The following CCDC191 variants were observed in gnomAD, a reference collection of about 807,000 sequenced individuals.
CCDC191 encodes the protein coiled-coil domain-containing protein 191.
A neutral mutation model predicts 114.0 loss-of-function variants in CCDC191; 99 were observed. The observed-to-expected ratio is 0.87, with a 90% CI of 0.74 to 1.03. CCDC191 has a LOEUF of 1.03. CCDC191 is among the 50% of genes least tolerant of loss of function. CCDC191 has a pLI of 0.00. For synonymous variants in CCDC191, 351 were observed against 376.0 expected (o/e 0.93, Z 0.77); for missense variants, 973 against 1,087.0 (o/e 0.90, Z 1.47).
Position 113,965,370 on chromosome 3 carries a change from AAAG to A in CCDC191, c.2607-14_2607-12del. On this transcript the variant is annotated splice_polypyrimidine_tract_variant and intron_variant, in intron 16 of 16. Transcript: ENST00000295878. Reference sequence around the variant, plus strand: ...ATCCAGAGGATCCTCCTTTAAGAATAAAGAAGGAAAAAAGTGAAATGTTGAGAA... The same window carrying A: ...ATCCAGAGGATCCTCCTTTAAGAATAAAGGAAAAAAGTGAAATGTTGAGAA... 6.6e-7 allele frequency: 1 copy of A among 1,526,382 alleles called. No homozygotes were observed. The highest frequency in any genetic ancestry group is 8.8e-7 in the Non-Finnish European group (1 of 1,133,462). The allele number at this position is 1,526,382 out of a possible 1,614,324, so 94.6% of individuals were successfully genotyped here.
In CCDC191 at chr3:113,978,961, G is replaced by A. The variant is rs762932133; in HGVS notation, c.2357C>T (p.Thr786Met). The A allele has an allele frequency of 4.7e-5, 76 of 1,613,862 alleles. No individual in the cohort carries two copies. In the South Asian group the frequency reaches 5.4e-4, roughly 11 times the overall value. The change falls in exon 15 of 17, where the codon ACG (threonine) becomes ATG (methionine). Residue 786 changes from threonine to methionine, a missense_variant. Coordinates refer to ENST00000295878, the MANE Select transcript of CCDC191 (RefSeq NM_020817.2). ...ACTTTCCTGACTACGCTGGAACCAC[G>A]TCAGCATGTATTTCCTCTGCAGGAA... Reference protein sequence around the residue: ...SLFLQRKYMLTWFQRSQESLA... With the variant: ...SLFLQRKYMLMWFQRSQESLA...
At chr3:113,985,243 A>T (rs2075310498) in intron 13 of CCDC191, among the ~76,000 whole-genome samples, 1 of 152,186 alleles carries the variant, frequency 6.6e-6, no homozygotes, top group African/African-American at 2.4e-5. Flanking sequence ...GCACAGCAGC[A>T]ACTGCAAAAT....
chr3:114,028,691 G>C (rs544259234), intron 7 of CCDC191, among the ~76,000 whole-genome samples: 1 of 151,702 alleles, frequency 6.6e-6, no homozygotes, highest in African/African-American at 2.4e-5. Context: ...ACAAGTGAGC[G>C]AGATGGAAAG....
chr3:114,051,948 C>A (rs1227250780), intron 2 of CCDC191, among the ~76,000 whole-genome samples: 1 of 152,092 alleles, frequency 6.6e-6, no homozygotes, highest in Non-Finnish European at 1.5e-5. Context: ...GTCAATGTAA[C>A]CTGAAAAAGT....
intron 12 of CCDC191, among the ~76,000 whole-genome samples, chr3:114,002,010 G>C (rs1360815289): frequency 6.6e-6 from 1 of 152,110 alleles, no homozygotes; most frequent in Non-Finnish European, 1.5e-5. Flanking sequence ...GTTAGAAACA[G>C]TTTAGGGGGA....
intron 13 of CCDC191, among the ~76,000 whole-genome samples, chr3:113,996,540 G>A (rs2075727066): frequency 1.3e-5 from 2 of 152,126 alleles, no homozygotes; most frequent in South Asian, 4.2e-4. Flanking sequence ...AGTCAAATAG[G>A]ATGATGCCTC....
chr3:113,977,082 T>C (rs1295137014), intron 16 of CCDC191, among the ~76,000 whole-genome samples: 1 of 151,900 alleles, frequency 6.6e-6, no homozygotes, highest in Non-Finnish European at 1.5e-5. Context: ...TGCACAAACA[T>C]GCAAATAAAA....
At chr3:113,977,359 C>T (rs1479078991) in intron 16 of CCDC191, among the ~76,000 whole-genome samples, 1 of 152,058 alleles carries the variant, frequency 6.6e-6, no homozygotes, top group African/African-American at 2.4e-5. Flanking sequence ...TGAATACACC[C>T]GGCACACTAA....
chr3:113,970,723 C>T (rs984590987), intron 16 of CCDC191, among the ~76,000 whole-genome samples: 5 of 152,094 alleles, frequency 3.3e-5, no homozygotes, highest in African/African-American at 1.2e-4. Context: ...CCCCGTCCCC[C>T]CACCCCACAG....
intron 8 of CCDC191, among the ~76,000 whole-genome samples, chr3:114,012,495 T>C (rs1327965891): frequency 6.6e-6 from 1 of 152,178 alleles, no homozygotes; most frequent in African/African-American, 2.4e-5. Flanking sequence ...TGAAAACAAA[T>C]ATCTGAGACT....
In CCDC191 at chr3:114,005,623, G is replaced by A. The variant is rs746689297; in HGVS notation, c.1753C>T (p.Gln585Ter). The change falls in exon 10 of 17, where the codon CAG becomes TAG. Residue 585 changes from glutamine (Q) to a stop codon, truncating the protein, a stop_gained. Coordinates refer to ENST00000295878, the MANE Select transcript of CCDC191 (RefSeq NM_020817.2). LOFTEE classifies it high-confidence loss of function. ...GCTGCCCACTGAGCCTCTGCCAGCT[G>A]CAGGTTTTTCTTCAGCTCGAGAATT... ...KTILELKKNL[Q>*]LAEAQWAAEH... The A allele has an allele frequency of 7.4e-6, 12 of 1,614,048 alleles. No homozygotes were observed. The African/African-American group carries it at 1.6e-4, about 22-fold the overall frequency.
At position 114,001,453 on chromosome 3, in the gene CCDC191, C is replaced by T. The variant is rs575569226; in HGVS notation, c.2163+142G>A. The T allele has an allele frequency of 2.7e-4, 329 of 1,241,084 alleles. 3 individuals carry two copies. In the South Asian group the frequency reaches 5.6e-3, roughly 21 times the overall value. 76.9% of individuals were successfully genotyped at this position (1,241,084 alleles called of 1,614,324 possible). A position where few individuals can be genotyped will look rare whatever the true frequency, so the allele number is the denominator to read the frequency against. On this transcript the variant is annotated intron_variant, in intron 13 of 16. Coordinates refer to ENST00000295878, the MANE Select transcript of CCDC191 (RefSeq NM_020817.2). Reference sequence around the variant, plus strand: ...AATCTGAAGAATGAGTAGCTTTTCACTAAGTAAGATAGAGAAAAGAAGTGA... The same window carrying T: ...AATCTGAAGAATGAGTAGCTTTTCATTAAGTAAGATAGAGAAAAGAAGTGA...
At chr3:114,053,850 A>G (rs993141750) in intron 1 of CCDC191, among the ~76,000 whole-genome samples, 2 of 152,136 alleles carry the variant, frequency 1.3e-5, no homozygotes, top group African/African-American at 4.8e-5. Flanking sequence ...GATTGTTTTT[A>G]TTTCTTGTCT....
At chr3:113,997,118 A>G (rs2075742700) in intron 13 of CCDC191, among the ~76,000 whole-genome samples, 2 of 152,166 alleles carry the variant, frequency 1.3e-5, no homozygotes, top group African/African-American at 2.4e-5. Context: ...GGTTTGGGTA[A>G]TCAGTTCTGA....
chr3:113,965,192 G>GT lies in CCDC191; in HGVS notation c.2773dup (p.Thr925AsnfsTer6), dbSNP rs1167670557. On this transcript the variant is annotated frameshift_variant, in exon 17 of 17. Transcript: ENST00000295878. LOFTEE classifies it low-confidence loss of function (END_TRUNC). ...CAGACTTGTCTTACTCAAGGACCAA[G>GT]TATCTGATTGCTGATATAGCTCGTG... 1.1e-5 allele frequency: 18 copies of GT among 1,609,570 alleles called. No individual in the cohort carries two copies. Among genetic ancestry groups the GT allele is most frequent in the Non-Finnish European group, 1.5e-5 (18 of 1,178,088 alleles).
intron 7 of CCDC191, among the ~76,000 whole-genome samples, chr3:114,030,950 C>G (rs1577450481): frequency 1.3e-5 from 2 of 152,306 alleles, no homozygotes; most frequent in African/African-American, 4.8e-5. Context: ...CTAACCCTCT[C>G]ATTTACAAAT....
At chr3:113,971,384 A>G (rs1018691877) in intron 16 of CCDC191, among the ~76,000 whole-genome samples, 5 of 152,314 alleles carry the variant, frequency 3.3e-5, no homozygotes, top group African/African-American at 1.2e-4. Flanking sequence ...GTGTCTGTTC[A>G]TACAGATGTT....
intron 7 of CCDC191, among the ~76,000 whole-genome samples, chr3:114,029,879 C>T (rs78040204): frequency 3.3e-5 from 5 of 151,918 alleles, no homozygotes; most frequent in African/African-American, 7.3e-5. Flanking sequence ...ATAAAAGACA[C>T]GGAAAGACTA....
At chr3:114,001,415 C>T (rs543837355) in intron 13 of CCDC191, among the ~76,000 whole-genome samples, 180 bp downstream of exon 13, 1 of 152,266 alleles carries the variant, frequency 6.6e-6, no homozygotes, top group Middle Eastern at 3.4e-3. Context: ...GGACAAAGTT[C>T]TGTTTTAGCT....
Sources: gnomAD v4.1 joint callset for allele counts (sites outside exome capture counted in the v4.1 genomes callset) on GRCh38, gnomAD v4.1.1 for gene constraint, MANE v1.5 for transcripts, NCBI Gene and HGNC (gene_info 2026-07-23, HGNC 2026-07-21) for gene names.